Variants in ADGRL2 observed in about 807,000 individuals in gnomAD.
The protein encoded by ADGRL2 is calcium-independent alpha-latrotoxin receptor 2.
Under a neutral mutation model 157.4 loss-of-function variants are expected in ADGRL2, and 44 were observed. The observed-to-expected ratio is 0.28, with a 90% CI of 0.22 to 0.36. ADGRL2 has a LOEUF of 0.36. Among genes scored for constraint, ADGRL2 ranks in the 10% least tolerant of loss-of-function variants. ADGRL2 has a pLI of 1.00. For synonymous variants in ADGRL2, 585 were observed against 624.7 expected (o/e 0.94, Z 0.95); for missense variants, 1,510 against 1,768.9 (o/e 0.85, Z 2.63).
intron 1 of ADGRL2, among the ~76,000 whole-genome samples, chr1:81,728,955 A>G (rs1239082242): frequency 6.6e-6 from 1 of 152,108 alleles, no homozygotes; most frequent in African/African-American, 2.4e-5. Flanking sequence ...TACTTCAAAT[A>G]TGGGAGCAAA....
intron 1 of ADGRL2, among the ~76,000 whole-genome samples, chr1:81,356,971 A>AAAAAAAAAAAAAAAAAAAAAAAAAG (rs80327519): frequency 1.2e-4 from 12 of 99,400 alleles, no homozygotes; most frequent in South Asian, 9.4e-4. Context: ...AAAAAAAAAA[A>AAAAAAAAAAAAAAAAAAAAAAAAAG]AAGAAGTTGT....
At chr1:81,724,769 A>G (rs1206691973) in intron 1 of ADGRL2, among the ~76,000 whole-genome samples, 1 of 152,240 alleles carries the variant, frequency 6.6e-6, no homozygotes, top group Non-Finnish European at 1.5e-5. Flanking sequence ...TATGGAGTAC[A>G]TTTCTAAAAC....
chr1:81,809,851 A>G (rs2089641665), intron 1 of ADGRL2, among the ~76,000 whole-genome samples: 2 of 152,136 alleles, frequency 1.3e-5, no homozygotes, highest in East Asian at 1.9e-4. Flanking sequence ...TGAAAATGGT[A>G]TGACATAAAT....
intron 3 of ADGRL2, among the ~76,000 whole-genome samples, chr1:81,649,622 A>G (rs1444716152): frequency 6.6e-6 from 1 of 152,222 alleles, no homozygotes; most frequent in Non-Finnish European, 1.5e-5. Flanking sequence ...TCTACAAGAA[A>G]GCTAACAGTT....
intron 1 of ADGRL2, among the ~76,000 whole-genome samples, chr1:81,804,685 T>G (rs1467847426): frequency 5.9e-5 from 9 of 152,248 alleles, no homozygotes. Context: ...AGTGACCTTT[T>G]GTTTTATGAT....
intron 1 of ADGRL2, among the ~76,000 whole-genome samples, chr1:81,828,297 C>G (rs1239116776): frequency 6.6e-6 from 1 of 152,142 alleles, no homozygotes; most frequent in Admixed American, 6.6e-5. Flanking sequence ...CTGACTGTCT[C>G]AATCTGCATA....
chr1:81,354,877 T>C (rs532896526), intron 1 of ADGRL2, among the ~76,000 whole-genome samples: 189 of 152,330 alleles, frequency 1.2e-3, no homozygotes, highest in Non-Finnish European at 2.0e-3. Context: ...AATCAGGGAA[T>C]ATAAAATGGC....
chr1:81,366,959 T>A lies in ADGRL2; in HGVS notation c.-302+60450T>A, dbSNP rs150631055. ...TATGCTACATACTTTCCTGAGATGA[T>A]CTTAATCACCCTCTGAATCCTTAAC... On this transcript the variant is annotated intron_variant, in intron 1 of 24. Transcript: ENST00000370721. Among the ~76,000 whole-genome samples the A allele has an allele frequency of 6.2e-4, 94 of 152,338 alleles. No homozygotes were observed. The East Asian group carries it at 0.015, about 24-fold the overall frequency.
chr1:81,459,399 G>T (rs2077875023), intron 2 of ADGRL2, among the ~76,000 whole-genome samples: 1 of 152,130 alleles, frequency 6.6e-6, no homozygotes, highest in Non-Finnish European at 1.5e-5. Flanking sequence ...ACCTCAAGTA[G>T]AATCAAGTAG....
At chr1:81,350,936 A>C (rs760110482) in intron 1 of ADGRL2, among the ~76,000 whole-genome samples, 1 of 152,208 alleles carries the variant, frequency 6.6e-6, no homozygotes, top group Non-Finnish European at 1.5e-5. Context: ...CTAAATAGGC[A>C]GTGCTCATAT....
intron 2 of ADGRL2, among the ~76,000 whole-genome samples, chr1:81,869,323 A>G (rs2093632053): frequency 6.6e-6 from 1 of 152,106 alleles, no homozygotes. Flanking sequence ...TTACCTGATC[A>G]AAGTTCTGAT....
intron 1 of ADGRL2, among the ~76,000 whole-genome samples, chr1:81,323,411 A>ATTTTT (rs138358062): frequency 1.4e-4 from 15 of 109,730 alleles, no homozygotes; most frequent in Admixed American, 3.1e-4. Flanking sequence ...GACTAATTCA[A>ATTTTT]TTTTTTTTTT....
chr1:81,325,340 T>C (rs757612094), intron 1 of ADGRL2, among the ~76,000 whole-genome samples: 1 of 152,208 alleles, frequency 6.6e-6, no homozygotes, highest in African/African-American at 2.4e-5. Context: ...ATTTAAAAGA[T>C]GTCTGCACTG....
At chr1:81,879,345 A>G (rs1350055192) in intron 2 of ADGRL2, among the ~76,000 whole-genome samples, 1 of 152,138 alleles carries the variant, frequency 6.6e-6, no homozygotes, top group Non-Finnish European at 1.5e-5. Flanking sequence ...TCACAGTTTA[A>G]ATTATTTGTT....
At chr1:81,545,969 C>T (rs138775605) in intron 2 of ADGRL2, among the ~76,000 whole-genome samples, 20 of 152,258 alleles carry the variant, frequency 1.3e-4, no homozygotes, top group Middle Eastern at 6.8e-3. Context: ...TCTCTGCTGT[C>T]GGCAGGCCTG....
At chr1:81,933,004 T>A (rs1165992870) in intron 3 of ADGRL2, among the ~76,000 whole-genome samples, 1 of 152,116 alleles carries the variant, frequency 6.6e-6, no homozygotes, top group East Asian at 1.9e-4. Context: ...GCCTGGCCAA[T>A]AATTTGTATT....
At chr1:81,375,746 A>G (rs1392176419) in intron 1 of ADGRL2, among the ~76,000 whole-genome samples, 1 of 152,096 alleles carries the variant, frequency 6.6e-6, no homozygotes, top group Non-Finnish European at 1.5e-5. Context: ...CCCTTAGTAA[A>G]TGGAATTTCT....
intron 1 of ADGRL2, among the ~76,000 whole-genome samples, chr1:81,390,955 T>C (rs2076538318): frequency 6.6e-6 from 1 of 152,302 alleles, no homozygotes; most frequent in Non-Finnish European, 1.5e-5. Flanking sequence ...TGCTGCGTCA[T>C]GTATTTTCTC....
intron 1 of ADGRL2, among the ~76,000 whole-genome samples, chr1:81,821,349 TA>T (rs2090971420): frequency 6.6e-6 from 1 of 152,176 alleles, no homozygotes; most frequent in African/African-American, 2.4e-5. Flanking sequence ...CCCAAATTTT[TA>T]GCATTAGAGA....
Sources: gnomAD v4.1 joint callset for allele counts (sites outside exome capture counted in the v4.1 genomes callset) on GRCh38, gnomAD v4.1.1 for gene constraint, MANE v1.5 for transcripts, NCBI Gene and HGNC (gene_info 2026-07-23, HGNC 2026-07-21) for gene names.